The following LHFPL3 variants were observed in gnomAD, a reference collection of about 807,000 sequenced individuals.
LHFPL3 encodes LHFPL tetraspan subfamily member 3.
A neutral mutation model predicts 19.3 loss-of-function variants in LHFPL3; 5 were observed. The observed-to-expected ratio is 0.26, with a 90% confidence interval of 0.14 to 0.54. The LOEUF is 0.54. LHFPL3 is among the 20% of genes least tolerant of loss of function. The pLI is 0.94. For missense variants in LHFPL3, 249 were observed against 307.4 expected (o/e 0.81, Z 1.42); for synonymous variants, 133 against 126.2 (o/e 1.05, Z -0.36).
At chr7:104,352,878 G>A (rs1159372275) in intron 1 of LHFPL3, among the ~76,000 whole-genome samples, 4 of 152,176 alleles carry the variant, frequency 2.6e-5, no homozygotes, top group African/African-American at 4.8e-5. Flanking sequence ...TTCAGTAACA[G>A]TTGGGGCTTC....
intron 2 of LHFPL3, among the ~76,000 whole-genome samples, chr7:104,778,292 C>G (rs1794663997): frequency 6.6e-6 from 1 of 152,130 alleles, no homozygotes; most frequent in South Asian, 2.1e-4. Flanking sequence ...GCTTGATCTC[C>G]CACAACCTTG....
intron 1 of LHFPL3, among the ~76,000 whole-genome samples, chr7:104,520,501 G>C (rs1322871963): frequency 1.4e-5 from 2 of 142,468 alleles, no homozygotes; most frequent in Non-Finnish European, 3.0e-5. Flanking sequence ...TCTATTGATT[G>C]GAATAGTTTC....
chr7:104,430,392 A>ATATATATACATATG (rs1791947577), intron 1 of LHFPL3, among the ~76,000 whole-genome samples: 1 of 56,578 alleles, frequency 1.8e-5, no homozygotes, highest in African/African-American at 1.0e-4. Flanking sequence ...ACATATATAT[A>ATATATATACATATG]TATATATATA....
intron 2 of LHFPL3, among the ~76,000 whole-genome samples, chr7:104,864,838 C>A (rs1002533772): frequency 6.6e-6 from 1 of 152,224 alleles, no homozygotes; most frequent in African/African-American, 2.4e-5. Context: ...TGGGGGCAGA[C>A]TGACACCTCA....
chr7:104,553,518 C>A (rs1243991335), intron 1 of LHFPL3, among the ~76,000 whole-genome samples: 2 of 152,154 alleles, frequency 1.3e-5, no homozygotes, highest in Non-Finnish European at 2.9e-5. Context: ...ATTTTTAACC[C>A]TAGCTCTCTT....
chr7:104,750,963 G>A (rs1794156947), intron 2 of LHFPL3, among the ~76,000 whole-genome samples: 1 of 152,092 alleles, frequency 6.6e-6, no homozygotes, highest in Non-Finnish European at 1.5e-5. Flanking sequence ...ACCTGTTGTG[G>A]TAGTAGCTTG....
intron 1 of LHFPL3, among the ~76,000 whole-genome samples, chr7:104,537,973 A>G (rs954292275): frequency 6.6e-6 from 1 of 152,186 alleles, no homozygotes; most frequent in Non-Finnish European, 1.5e-5. Context: ...ATCATAGTGA[A>G]TAGAAGTCAA....
intron 1 of LHFPL3, among the ~76,000 whole-genome samples, chr7:104,587,348 G>A (rs1360913089): frequency 2.6e-5 from 4 of 151,942 alleles, no homozygotes; most frequent in South Asian, 4.2e-4. Context: ...CAATTCCGAC[G>A]TATGAGTGAG....
intron 1 of LHFPL3, among the ~76,000 whole-genome samples, chr7:104,632,325 G>A (rs17338703): frequency 0.032 from 4,819 of 152,164 alleles, 121 homozygotes; most frequent in Middle Eastern, 0.065. Flanking sequence ...AGTTGCATAG[G>A]ACCATTACTA....
intron 2 of LHFPL3, among the ~76,000 whole-genome samples, chr7:104,850,884 T>G (rs28526655): frequency 0.19 from 29,135 of 151,762 alleles, 3,047 homozygotes; most frequent in East Asian, 0.31. Context: ...AAAATGTAGG[T>G]TCTGACCCCT....
At chr7:104,769,143 T>C (rs566674291) in intron 2 of LHFPL3, 8 of 152,368 alleles carry the variant, frequency 5.3e-5, no homozygotes, top group Middle Eastern at 3.4e-3. Context: ...TCTGGCTTCA[T>C]GTTATCTATA....
intron 1 of LHFPL3, among the ~76,000 whole-genome samples, chr7:104,424,314 G>C (rs1791795483): frequency 6.6e-6 from 1 of 152,190 alleles, no homozygotes; most frequent in Non-Finnish European, 1.5e-5. Context: ...GAATCAGATG[G>C]TTGTCTGTTG....
intron 1 of LHFPL3, among the ~76,000 whole-genome samples, chr7:104,603,725 A>G (rs1395041920): frequency 2.0e-5 from 3 of 152,252 alleles, no homozygotes; most frequent in Non-Finnish European, 4.4e-5. Flanking sequence ...GCAAGAAGAA[A>G]GAGGCAACTT....
At chr7:104,378,013 C>T (rs189859444) in intron 1 of LHFPL3, among the ~76,000 whole-genome samples, 7 of 151,840 alleles carry the variant, frequency 4.6e-5, no homozygotes, top group African/African-American at 1.4e-4. Context: ...TTTTAAAAAA[C>T]AAAAAACAAA....
rs1208098415 is a variant in LHFPL3, at chr7:104,553,910, T to C, written c.446-182765T>C. On this transcript the variant is annotated intron_variant, in intron 1 of 2. Coordinates refer to ENST00000424859, the MANE Select transcript of LHFPL3 (RefSeq NM_199000.3). ...GTGTTGGCTGTGTGAATGTGAGTTA[T>C]TGTAGATTGTGAAGTCAGAGTCATT... Among the ~76,000 whole-genome samples the C allele has an allele frequency of 3.3e-5, 5 of 152,150 alleles. No individual in the cohort carries two copies. In the East Asian group the frequency reaches 9.6e-4, roughly 29 times the overall value.
At chr7:104,758,199 GA>G (rs1794317456) in intron 2 of LHFPL3, among the ~76,000 whole-genome samples, 1 of 152,142 alleles carries the variant, frequency 6.6e-6, no homozygotes. Flanking sequence ...CTGGAGGAGG[GA>G]AAGAAGTGGC....
At chr7:104,892,245 C>T (rs985564187) in intron 2 of LHFPL3, among the ~76,000 whole-genome samples, 5 of 152,078 alleles carry the variant, frequency 3.3e-5, no homozygotes, top group Admixed American at 3.3e-4. Flanking sequence ...AAATACAAAC[C>T]CACAATAACA....
intron 1 of LHFPL3, among the ~76,000 whole-genome samples, chr7:104,632,860 G>A (rs1167504228): frequency 6.6e-6 from 1 of 152,142 alleles, no homozygotes; most frequent in Non-Finnish European, 1.5e-5. Context: ...TTGCTATATT[G>A]CCCAGGCTGG....
chr7:104,655,538 GT>G (rs1396378820), intron 1 of LHFPL3, among the ~76,000 whole-genome samples: 2 of 152,160 alleles, frequency 1.3e-5, no homozygotes, highest in Non-Finnish European at 2.9e-5. Context: ...AATCTAATTG[GT>G]TTTATTATCA....
Sources: allele counts gnomAD v4.1 joint callset (sites outside exome capture counted in the v4.1 genomes callset), GRCh38; gene constraint gnomAD v4.1.1; transcripts MANE v1.5; gene names NCBI Gene and HGNC (gene_info 2026-07-23, HGNC 2026-07-21).